The following IL2RB variants were observed in gnomAD, a reference collection of about 807,000 sequenced individuals.
The protein encoded by IL2RB is interleukin 2 receptor subunit beta.
Under a neutral mutation model 44.2 loss-of-function variants are expected in IL2RB, and 17 were observed. That is an observed-to-expected ratio of 0.38 (90% CI 0.26 to 0.58). The LOEUF is 0.58. Among genes scored for constraint, IL2RB ranks in the 20% least tolerant of loss-of-function variants. IL2RB has a pLI of 0.63. For synonymous variants in IL2RB, 286 were observed against 297.9 expected (o/e 0.96, Z 0.41); for missense variants, 624 against 685.5 (o/e 0.91, Z 1.00).
rs142956109 is a variant in IL2RB, at chr22:37,133,268, G to A, written c.819-800C>T. 2.5e-3 allele frequency among the ~76,000 whole-genome samples: 386 copies of A among 152,302 alleles called. 1 individual carries two copies. Among genetic ancestry groups the A allele is most frequent in the African/African-American group, 8.7e-3 (363 of 41,554 alleles). On this transcript the variant is annotated intron_variant, in intron 8 of 9. Coordinates refer to ENST00000216223, the MANE Select transcript of IL2RB (RefSeq NM_000878.5). ...GGACCTCTCCCTCTACAGGGACATG[G>A]TTTCCCTGAAGGCCTGCAGGGAGCT...
At chr22:37,135,282 G>A (rs369414360) in intron 8 of IL2RB, 46 bp downstream of exon 8, 24 of 1,296,110 alleles carry the variant, frequency 1.9e-5, no homozygotes, top group East Asian at 1.4e-4. Flanking sequence ...GTGTGTGCAC[G>A]TTGGAGGGGT....
chr22:37,146,415 T>C (rs1176472521), intron 1 of IL2RB, among the ~76,000 whole-genome samples: 4 of 152,170 alleles, frequency 2.6e-5, no homozygotes, highest in South Asian at 4.1e-4. Context: ...AGCAGGTGCA[T>C]GTACCCAGGC....
chr22:37,174,943 G>T (rs560374877), intron 1 of IL2RB: 1 of 152,376 alleles, frequency 6.6e-6, no homozygotes, highest in Admixed American at 6.5e-5. Context: ...AAGGAAAGAG[G>T]TTTAATTGAC....
At chr22:37,164,359 G>A (rs1922993247) in intron 1 of IL2RB, among the ~76,000 whole-genome samples, 1 of 152,074 alleles carries the variant, frequency 6.6e-6, no homozygotes, top group Admixed American at 6.5e-5. Flanking sequence ...TTGATCGGGA[G>A]GATGTGGTCA....
At chr22:37,164,355 G>C (rs369519844) in intron 1 of IL2RB, among the ~76,000 whole-genome samples, 37 of 152,076 alleles carry the variant, frequency 2.4e-4, no homozygotes, top group African/African-American at 8.9e-4. Flanking sequence ...TGCTTTGATC[G>C]GGAGGATGTG....
chr22:37,174,231 C>T (rs1601617810), intron 1 of IL2RB, among the ~76,000 whole-genome samples: 1 of 152,176 alleles, frequency 6.6e-6, no homozygotes, highest in South Asian at 2.1e-4. Flanking sequence ...AAGGGTTCGT[C>T]GCTGGGTTTT....
intron 1 of IL2RB, among the ~76,000 whole-genome samples, chr22:37,168,231 A>G (rs1385207045): frequency 1.3e-5 from 2 of 152,244 alleles, no homozygotes; most frequent in Non-Finnish European, 2.9e-5. Context: ...AAGTAACAAG[A>G]CAGAAAAAAT....
intron 8 of IL2RB, among the ~76,000 whole-genome samples, chr22:37,134,730 G>A (rs1194848518): frequency 1.3e-5 from 2 of 152,198 alleles, no homozygotes; most frequent in Admixed American, 6.5e-5. Flanking sequence ...ATGGCAATAC[G>A]TCGACATCCT....
intron 3 of IL2RB, among the ~76,000 whole-genome samples, chr22:37,143,057 T>G (rs1422674275): frequency 6.6e-6 from 1 of 152,082 alleles, no homozygotes; most frequent in Non-Finnish European, 1.5e-5. Flanking sequence ...GATGTTTACA[T>G]CACAGTGACA....
chr22:37,157,478 C>T (rs1266762789), intron 1 of IL2RB, among the ~76,000 whole-genome samples: 1 of 152,228 alleles, frequency 6.6e-6, no homozygotes, highest in African/African-American at 2.4e-5. Context: ...GCGCCCTGAG[C>T]AGCTCCTATC....
At chr22:37,136,474 C>A in intron 6 of IL2RB, 81 bp from the exon 7 acceptor site, 2 of 1,425,662 alleles carry the variant, frequency 1.4e-6, no homozygotes, top group South Asian at 1.3e-5. Flanking sequence ...GAACCCCCCC[C>A]CAACCCCTGC....
chr22:37,143,041 C>T (rs906838822), intron 3 of IL2RB, among the ~76,000 whole-genome samples: 10 of 152,114 alleles, frequency 6.6e-5, no homozygotes, highest in African/African-American at 1.2e-4. Context: ...ACTCACTGGC[C>T]GCCTGGATGT....
At chr22:37,137,495 G>C (rs1921764659) in intron 6 of IL2RB, 92 bp downstream of exon 6, 2 of 1,393,452 alleles carry the variant, frequency 1.4e-6, no homozygotes, top group Non-Finnish European at 2.0e-6. Flanking sequence ...ACCTGGGGCT[G>C]AGGGGACCTC....
At chr22:37,145,152 G>T (rs554605273) in intron 1 of IL2RB, among the ~76,000 whole-genome samples, 53 of 152,346 alleles carry the variant, frequency 3.5e-4, no homozygotes, top group African/African-American at 1.2e-3. Flanking sequence ...CAGAAAAGCA[G>T]ATAGGAGCTC....
Position 37,128,447 on chromosome 22 carries a change from G to T in IL2RB, c.1305C>A (p.Leu435=). 1 of 1,554,870 alleles carries T rather than the reference G, an allele frequency of 6.4e-7. No homozygotes were observed. ...CAGTGCTTGGGGGGCTGGGGCCACC[G>T]AGGAGACTGGGGGAGAAGAGCAGCA... ...DDLLLFSPSL[L]GGPSPPSTAP... Residue 435 remains leucine, a synonymous_variant, in exon 10 of 10, where the codon CTC becomes CTA. Coordinates refer to ENST00000216223, the MANE Select transcript of IL2RB (RefSeq NM_000878.5). The surrounding 1 kb of genome is among the most constrained non-coding windows in gnomAD (Gnocchi z 4.5).
At position 37,128,852 on chromosome 22, in the gene IL2RB, G is replaced by T. The variant is rs767864123; in HGVS notation, c.904-4C>A. 4.4e-6 allele frequency: 7 copies of T among 1,593,724 alleles called. No individual in the cohort carries two copies. The highest frequency in any genetic ancestry group is 6.0e-6 in the Non-Finnish European group (7 of 1,166,392). ...GGAAGGGCGAAGAGAGCCACTTCTG[G>T]TGGGAGAAAGGCCAGGGGTGGGTGA... On this transcript the variant is annotated splice_region_variant and splice_polypyrimidine_tract_variant and intron_variant, in intron 9 of 9. Transcript: ENST00000216223. The surrounding 1 kb of genome is among the most constrained non-coding windows in gnomAD (Gnocchi z 4.5).
intron 1 of IL2RB, among the ~76,000 whole-genome samples, chr22:37,148,856 C>T (rs1360774125): frequency 6.6e-6 from 1 of 152,092 alleles, no homozygotes; most frequent in African/African-American, 2.4e-5. Flanking sequence ...GTGGCTGGGG[C>T]AGGGTGGTAA....
rs914524372 is a variant in IL2RB, at chr22:37,135,952, A to G, written c.703+276T>C. ...CCGAGAGGTGAAAGCAGCCACCCCCAGCCCCAGAAGAAACCAGGAGTTGGA... is the reference window on the plus strand; with the variant it reads ...CCGAGAGGTGAAAGCAGCCACCCCCGGCCCCAGAAGAAACCAGGAGTTGGA... On this transcript the variant is annotated intron_variant, in intron 7 of 9. Coordinates refer to ENST00000216223, the MANE Select transcript of IL2RB (RefSeq NM_000878.5). Among the ~76,000 whole-genome samples the G allele has an allele frequency of 3.3e-5, 5 of 152,118 alleles. 1 individual carries two copies. The highest frequency in any genetic ancestry group is 3.3e-4 in the Admixed American group (5 of 15,272).
chr22:37,160,684 A>C (rs1204257913), intron 1 of IL2RB, among the ~76,000 whole-genome samples: 2 of 141,178 alleles, frequency 1.4e-5, no homozygotes. Context: ...TATGCCAAAA[A>C]AAAAAAAAAA....
Sources: gnomAD v4.1 joint callset for allele counts (sites outside exome capture counted in the v4.1 genomes callset) on GRCh38, gnomAD v4.1.1 for gene constraint, Gnocchi (gnomAD v3.1) non-coding constraint, MANE v1.5 for transcripts, NCBI Gene and HGNC (gene_info 2026-07-23, HGNC 2026-07-21) for gene names.